Variants in SNTG2 observed in about 807,000 individuals in gnomAD.
The protein encoded by SNTG2 is gamma-2-syntrophin.
A neutral mutation model predicts 70.9 loss-of-function variants in SNTG2; 74 were observed. That is an observed-to-expected ratio of 1.04 (90% CI 0.86 to 1.27). SNTG2 has a LOEUF of 1.27. Ranked by LOEUF, SNTG2 falls within the 50% of genes most tolerant of loss-of-function variation. The pLI is 0.00. For synonymous variants in SNTG2, 278 were observed against 273.8 expected, an observed-to-expected ratio of 1.02 and a Z score of -0.15; for missense variants, 717 against 690.7, an observed-to-expected ratio of 1.04 and a Z score of -0.43.
At chr2:1,092,353 C>T (rs1475332473) in intron 2 of SNTG2, among the ~76,000 whole-genome samples, 3 of 152,050 alleles carry the variant, frequency 2.0e-5, no homozygotes, top group African/African-American at 7.3e-5. Context: ...GTAAGACCTC[C>T]AGGGAAGGGA....
intron 8 of SNTG2, among the ~76,000 whole-genome samples, chr2:1,194,426 G>A (rs1048862175): frequency 1.3e-5 from 2 of 152,144 alleles, no homozygotes; most frequent in African/African-American, 4.8e-5. Flanking sequence ...AGGAATGTGG[G>A]AATCTTTCTT....
At chr2:1,221,137 G>A (rs903292523) in intron 9 of SNTG2, among the ~76,000 whole-genome samples, 6 of 152,162 alleles carry the variant, frequency 3.9e-5, no homozygotes, top group African/African-American at 1.4e-4. Flanking sequence ...ACTTCTCTAG[G>A]CTCCGTTACG....
intron 1 of SNTG2, among the ~76,000 whole-genome samples, chr2:1,066,966 A>G (rs1268844368): frequency 6.6e-6 from 1 of 152,118 alleles, no homozygotes; most frequent in African/African-American, 2.4e-5. Flanking sequence ...CCAGCACTGC[A>G]CTGTACGTTT....
At chr2:1,194,340 G>A (rs939188756) in intron 8 of SNTG2, among the ~76,000 whole-genome samples, 1 of 152,138 alleles carries the variant, frequency 6.6e-6, no homozygotes, top group Non-Finnish European at 1.5e-5. Context: ...CAAACTCCCA[G>A]CAATGTCCTC....
At chr2:1,105,799 C>T (rs1200291186) in intron 4 of SNTG2, among the ~76,000 whole-genome samples, 1 of 152,172 alleles carries the variant, frequency 6.6e-6, no homozygotes, top group East Asian at 1.9e-4. Context: ...TCCTGGGTCC[C>T]ACAGCCACAT....
chr2:1,004,371 A>C (rs1659501144), intron 1 of SNTG2, among the ~76,000 whole-genome samples: 1 of 152,244 alleles, frequency 6.6e-6, no homozygotes, highest in African/African-American at 2.4e-5. Flanking sequence ...GACATTGTTA[A>C]GATAATGAAA....
intron 1 of SNTG2, among the ~76,000 whole-genome samples, chr2:1,043,032 G>T (rs963955509): frequency 1.3e-5 from 2 of 152,150 alleles, no homozygotes; most frequent in Non-Finnish European, 2.9e-5. Context: ...GCTAGCATCT[G>T]TTGTTTTATA....
chr2:1,367,331 T>A lies in SNTG2; in HGVS notation c.1489-12T>A. 2 of 1,524,726 alleles carry A rather than the reference T, an allele frequency of 1.3e-6. No individual in the cohort carries two copies. Among genetic ancestry groups the A allele is most frequent in the Non-Finnish European group, 1.8e-6 (2 of 1,135,664 alleles). 94.4% of individuals were successfully genotyped at this position (1,524,726 alleles called of 1,614,324 possible). A position where few individuals can be genotyped will look rare whatever the true frequency, so the allele number is the denominator to read the frequency against. ...AATTATAATAAACACTTGATCTGAT[T>A]TTCTCCTCCAGGAACTCGAGTTCCA... On this transcript the variant is annotated splice_polypyrimidine_tract_variant and intron_variant, in intron 16 of 16. Transcript: ENST00000308624.
At chr2:1,040,321 C>T (rs1384183643) in intron 1 of SNTG2, among the ~76,000 whole-genome samples, 5 of 152,202 alleles carry the variant, frequency 3.3e-5, no homozygotes, top group Admixed American at 3.3e-4. Flanking sequence ...AGTTTGAGAA[C>T]CCCTTCTCTG....
intron 2 of SNTG2, among the ~76,000 whole-genome samples, chr2:1,087,192 C>T (rs915636203): frequency 6.6e-6 from 1 of 152,184 alleles, no homozygotes; most frequent in Non-Finnish European, 1.5e-5. Context: ...AAAAAGACAG[C>T]GGCACTTCCT....
intron 4 of SNTG2, among the ~76,000 whole-genome samples, chr2:1,125,818 G>T (rs1479362928): frequency 6.6e-6 from 1 of 152,138 alleles, no homozygotes; most frequent in African/African-American, 2.4e-5. Flanking sequence ...AATGACAGAA[G>T]TAGACAGTAG....
At chr2:1,334,127 G>A (rs919970625) in intron 16 of SNTG2, among the ~76,000 whole-genome samples, 1 of 152,056 alleles carries the variant, frequency 6.6e-6, no homozygotes, top group Admixed American at 6.5e-5. Flanking sequence ...CAAAAAGTGG[G>A]CAAAGGACAT....
chr2:1,136,697 GTGAAGGCAAA>G (rs1668409285), intron 4 of SNTG2, among the ~76,000 whole-genome samples: 1 of 152,146 alleles, frequency 6.6e-6, no homozygotes, highest in Non-Finnish European at 1.5e-5. Context: ...ACAAACCTAT[GTGAAGGCAAA>G]AATTGGGGAA....
chr2:1,011,966 C>T (rs1659740796), intron 1 of SNTG2, among the ~76,000 whole-genome samples: 1 of 152,134 alleles, frequency 6.6e-6, no homozygotes, highest in Non-Finnish European at 1.5e-5. Context: ...CTCTGAGAAA[C>T]CGAATATAGA....
intron 1 of SNTG2, among the ~76,000 whole-genome samples, chr2:1,025,107 GA>G (rs1361458707): frequency 6.6e-6 from 1 of 152,168 alleles, no homozygotes; most frequent in Admixed American, 6.5e-5. Context: ...GGATGTTGTA[GA>G]GCTTAACAGA....
At chr2:1,238,146 A>G (rs973715691) in intron 10 of SNTG2, 129 bp downstream of exon 10, 4 of 1,223,392 alleles carry the variant, frequency 3.3e-6, no homozygotes, top group Non-Finnish European at 4.5e-6. Flanking sequence ...CAATGTGTCA[A>G]ATCTATGTCT....
Position 1,241,174 on chromosome 2 carries a change from TAGG to T in SNTG2, c.888+1404_888+1406del, listed in dbSNP as rs887930269. On this transcript the variant is annotated intron_variant, in intron 11 of 16. Transcript: ENST00000308624. Reference sequence around the variant, plus strand: ...CAAAGCTGAGACTCTTCCGAGATCTTAGGAGGAGCCGCAGCTTCTGGTATTTCT... The same window carrying T: ...CAAAGCTGAGACTCTTCCGAGATCTTAGGAGCCGCAGCTTCTGGTATTTCT... Among the ~76,000 whole-genome samples the T allele has an allele frequency of 5.3e-5, 8 of 152,306 alleles. 1 individual carries two copies. The highest frequency in any genetic ancestry group is 1.9e-4 in the African/African-American group (8 of 41,558).
At chr2:959,718 A>T (rs1660288708) in intron 1 of SNTG2, among the ~76,000 whole-genome samples, 2 of 148,712 alleles carry the variant, frequency 1.3e-5, no homozygotes, top group Admixed American at 6.8e-5. Context: ...TGGAGGCTGC[A>T]TCTCGGGTGC....
chr2:1,248,969 C>T (rs912733764), intron 12 of SNTG2, among the ~76,000 whole-genome samples: 2 of 152,230 alleles, frequency 1.3e-5, no homozygotes, highest in Non-Finnish European at 2.9e-5. Flanking sequence ...TGGGTCTTCA[C>T]GGAAGTTATG....
Sources: allele counts gnomAD v4.1 joint callset (sites outside exome capture counted in the v4.1 genomes callset), GRCh38; gene constraint gnomAD v4.1.1; transcripts MANE v1.5; gene names NCBI Gene and HGNC (gene_info 2026-07-23, HGNC 2026-07-21).